PHYKPL: variants seen among roughly 807,000 people sequenced by gnomAD.
PHYKPL encodes the protein 5-phosphohydroxy-L-lysine phospho-lyase.
Under a neutral mutation model 51.3 loss-of-function variants are expected in PHYKPL, and 42 were observed. The ratio of observed to expected loss-of-function variants is 0.82; its 90% CI spans 0.64 to 1.06. PHYKPL has a LOEUF of 1.06. PHYKPL is among the 50% of genes least tolerant of loss of function. The pLI, the probability that PHYKPL is intolerant of heterozygous loss-of-function variation, is 0.00. For missense variants in PHYKPL, 655 were observed against 586.6 expected (o/e 1.12, Z -1.20); for synonymous variants, 264 against 236.0 (o/e 1.12, Z -1.09).
intron 10 of PHYKPL, 136 bp from the exon 11 acceptor site, chr5:178,213,239 C>A: frequency 8.3e-7 from 1 of 1,203,584 alleles, no homozygotes; most frequent in Non-Finnish European, 1.2e-6. Context: ...TTTTACTGGT[C>A]ACCTCTCCCA....
Position 178,231,631 on chromosome 5 carries a change from G to T in PHYKPL, c.60-108C>A, listed in dbSNP as rs559847607. 2,325 of 1,580,560 alleles carry T rather than the reference G, an allele frequency of 1.5e-3. 24 individuals carry two copies. In the African/African-American group the frequency reaches 0.027, roughly 19 times the overall value. ...CTTCCCAGTTTCTGGTGGCGGGGGGGAAATGAGAGCTGGAAGGGCAAGGTG... is the reference window on the plus strand; with the variant it reads ...CTTCCCAGTTTCTGGTGGCGGGGGGTAAATGAGAGCTGGAAGGGCAAGGTG... On this transcript the variant is annotated intron_variant, in intron 1 of 12. Transcript: ENST00000308158.
At position 178,231,441 on chromosome 5, in the gene PHYKPL, C is replaced by G. The variant is rs752620160; in HGVS notation, c.142G>C (p.Ala48Pro). ...QGQYMYDEQG[A>P]EYIDCISNVA... ...TTGCTGATGCAATCGATGTATTCTG[C>G]CCCCTGTTCATCGTACATGTACTGC... Residue 48 changes from alanine to proline, a missense_variant, in exon 2 of 13, where the codon GCA (alanine) becomes CCA (proline). By Grantham distance (27) the Ala-to-Pro change is conservative. Coordinates refer to ENST00000308158, the MANE Select transcript of PHYKPL (RefSeq NM_153373.4). 3.1e-6 allele frequency: 5 copies of G among 1,614,206 alleles called. No homozygotes were observed. Among genetic ancestry groups the G allele is most frequent in the South Asian group, 2.2e-5 (2 of 91,086 alleles).
chr5:178,232,464 C>CCCCGCCGCCCG (rs1763720459), intron 1 of PHYKPL, 28 bp downstream of exon 1: 5 of 1,358,704 alleles, frequency 3.7e-6, no homozygotes, highest in Non-Finnish European at 4.7e-6. Flanking sequence ...GCCCCGCGCC[C>CCCCGCCGCCCG]CCCGCCGCCC....
intron 6 of PHYKPL, chr5:178,223,440 C>T (rs776563108): frequency 4.4e-6 from 2 of 456,334 alleles, no homozygotes; most frequent in Non-Finnish European, 8.8e-6. Flanking sequence ...ACCCAGAGAA[C>T]TGAGCATGTC....
intron 11 of PHYKPL, among the ~76,000 whole-genome samples, chr5:178,212,412 C>T (rs1758732536): frequency 3.9e-5 from 6 of 152,340 alleles, no homozygotes; most frequent in Middle Eastern, 3.4e-3. Flanking sequence ...TATTTAGGGT[C>T]TCACTGAGCT....
At chr5:178,230,257 T>C (rs907448900) in intron 2 of PHYKPL, 158 bp from the exon 3 acceptor site, 2 of 875,030 alleles carry the variant, frequency 2.3e-6, no homozygotes, top group African/African-American at 3.4e-5. Context: ...AGAGAGAAGC[T>C]GGTTCTGGAA....
chr5:178,222,721 ATTCT>A (rs1266019521), intron 7 of PHYKPL, 127 bp downstream of exon 7: 15 of 1,348,472 alleles, frequency 1.1e-5, no homozygotes, highest in South Asian at 4.0e-5. Context: ...TCTCTGGGCC[ATTCT>A]TTCTTTAAGG....
chr5:178,225,702 G>A (rs1306558808), intron 3 of PHYKPL: 6 of 474,462 alleles, frequency 1.3e-5, no homozygotes, highest in Non-Finnish European at 1.5e-5. Context: ...CCAAACCATT[G>A]TTTTTCCTCT....
At chr5:178,224,604 A>T (rs1196910823) in intron 5 of PHYKPL, 38 bp downstream of exon 5, 1 of 1,614,032 alleles carries the variant, frequency 6.2e-7, no homozygotes, top group Admixed American at 1.7e-5. Flanking sequence ...GGGCTTGGGG[A>T]CAGGCACCGA....
intron 6 of PHYKPL, chr5:178,223,452 CTG>C (rs1028750614): frequency 6.6e-6 from 3 of 456,232 alleles, no homozygotes; most frequent in Non-Finnish European, 1.3e-5. Context: ...GAGCATGTCA[CTG>C]TTGTTTAAAA....
rs1761969053 is a variant in PHYKPL, at chr5:178,224,794, CA to C, written c.414-66del. The stretch of plus-strand genomic sequence containing the variant: ...CACCTACTCCCTGGCCCAGTCTGAC[CA>C]TCGTCTCCCCACCCCTGAAGACACA... On this transcript the variant is annotated intron_variant, in intron 4 of 12. Transcript: ENST00000308158. The C allele has an allele frequency of 3.1e-6, 4 of 1,292,054 alleles. No individual in the cohort carries two copies. In the South Asian group the frequency reaches 5.4e-5, roughly 17 times the overall value. 80.0% of individuals were successfully genotyped at this position (1,292,054 alleles called of 1,614,324 possible). A position where few individuals can be genotyped will look rare whatever the true frequency, so the allele number is the denominator to read the frequency against.
At chr5:178,214,539 T>C (rs1196780310) in intron 10 of PHYKPL, among the ~76,000 whole-genome samples, 1 of 152,162 alleles carries the variant, frequency 6.6e-6, no homozygotes, top group Non-Finnish European at 1.5e-5. Context: ...GGTCTGGGAA[T>C]AGCCTGTGTC....
chr5:178,222,174 A>G (rs1761293722), intron 8 of PHYKPL, among the ~76,000 whole-genome samples, 181 bp downstream of exon 8: 1 of 152,218 alleles, frequency 6.6e-6, no homozygotes, highest in Non-Finnish European at 1.5e-5. Context: ...ATTGACACTA[A>G]TTTTAAAAGA....
intron 6 of PHYKPL, chr5:178,223,412 C>T (rs1216330402): frequency 4.4e-6 from 2 of 456,212 alleles, no homozygotes; most frequent in African/African-American, 4.0e-5. Context: ...ACATGGCCAC[C>T]AGGGTGATGA....
At chr5:178,223,466 C>T in intron 6 of PHYKPL, 2 of 456,234 alleles carry the variant, frequency 4.4e-6, no homozygotes, top group Non-Finnish European at 8.8e-6. Flanking sequence ...TGTTTAAAAC[C>T]CCTCAGTGAC....
chr5:178,229,103 ATT>A (rs55725801), intron 3 of PHYKPL, among the ~76,000 whole-genome samples: 75,119 of 117,566 alleles, frequency 0.64, 23,219 homozygotes, highest in African/African-American at 0.72. Context: ...TGATGAGACT[ATT>A]TTTTTTTTTT....
chr5:178,229,359 C>T (rs1434380493), intron 3 of PHYKPL, among the ~76,000 whole-genome samples: 6 of 152,018 alleles, frequency 3.9e-5, no homozygotes, highest in African/African-American at 1.5e-4. Context: ...CCGCCCACCT[C>T]GATCTCCCGA....
chr5:178,215,165 C>T (rs1283334963), intron 9 of PHYKPL, 111 bp downstream of exon 9: 8 of 1,531,176 alleles, frequency 5.2e-6, no homozygotes, highest in Non-Finnish European at 7.2e-6. Context: ...TGTCTCAGTT[C>T]CTCTTGAGAG....
At chr5:178,210,144 G>C in intron 12 of PHYKPL, 2 of 1,614,186 alleles carry the variant, frequency 1.2e-6, no homozygotes. Flanking sequence ...CAGAGTCAGA[G>C]TTGGAATCAG....
Sources: allele counts gnomAD v4.1 joint callset (sites outside exome capture counted in the v4.1 genomes callset), GRCh38; gene constraint gnomAD v4.1.1; transcripts MANE v1.5; gene names NCBI Gene and HGNC (gene_info 2026-07-23, HGNC 2026-07-21).